DIAPH2: variants seen among roughly 807,000 people sequenced by gnomAD.
The protein encoded by DIAPH2 is protein diaphanous homolog 2.
A neutral mutation model predicts 92.7 loss-of-function variants in DIAPH2; 35 were observed. The ratio of observed to expected loss-of-function variants is 0.38; its 90% CI spans 0.29 to 0.50. DIAPH2 has a LOEUF of 0.50. Ranked by LOEUF, DIAPH2 falls within the 20% of genes least tolerant of loss-of-function variation. The pLI, the probability that DIAPH2 is intolerant of heterozygous loss-of-function variation, is 0.94. For synonymous variants in DIAPH2, 301 were observed against 280.4 expected (o/e 1.07, Z -0.73); for missense variants, 701 against 819.5 (o/e 0.86, Z 1.77).
intron 17 of DIAPH2, among the ~76,000 whole-genome samples, chrX:97,054,272 A>G (rs760087069): frequency 5.3e-5 from 6 of 112,299 alleles, no homozygotes; most frequent in African/African-American, 1.9e-4. Context: ...GTTTGGCAAT[A>G]TAGTTCTTTC....
chrX:97,535,873 G>A (rs953521255), intron 26 of DIAPH2, among the ~76,000 whole-genome samples: 2 of 112,416 alleles, frequency 1.8e-5, no homozygotes, highest in African/African-American at 6.5e-5. Flanking sequence ...AGTACTATAT[G>A]TTATAGAGAA....
chrX:97,146,529 T>G (rs1177949312), intron 22 of DIAPH2, among the ~76,000 whole-genome samples: 3 of 111,342 alleles, frequency 2.7e-5, no homozygotes, highest in Non-Finnish European at 5.7e-5. Flanking sequence ...AATACCAAAT[T>G]TATTTTAGTT....
intron 19 of DIAPH2, among the ~76,000 whole-genome samples, chrX:97,095,751 T>C (rs1397273580): frequency 8.9e-6 from 1 of 111,809 alleles, no homozygotes; most frequent in Non-Finnish European, 1.9e-5. Flanking sequence ...TATTACAGAA[T>C]AATTGCAGAA....
rs559701542 is a variant in DIAPH2, at chrX:97,088,565, C to T, written c.2248-11129C>T. 9.9e-5 allele frequency among the ~76,000 whole-genome samples: 11 copies of T among 111,463 alleles called. No individual in the cohort carries two copies. The South Asian group carries it at 4.2e-3, about 42-fold the overall frequency. ...ATATTTTCAATTAGATATTTTGAGC[C>T]TGTTAGGCTAGTCCCCTCTACAAGG... is the stretch of plus-strand genomic sequence containing the variant. On this transcript the variant is annotated intron_variant, in intron 19 of 26. Coordinates refer to ENST00000324765, the MANE Select transcript of DIAPH2 (RefSeq NM_006729.5).
intron 4 of DIAPH2, among the ~76,000 whole-genome samples, chrX:96,818,557 A>C (rs2147672688): frequency 9.0e-6 from 1 of 111,691 alleles, no homozygotes; most frequent in East Asian, 2.8e-4. Context: ...ATTTAATTAA[A>C]ATTGATTAAA....
chrX:96,954,623 T>C (rs1022114027), intron 15 of DIAPH2, among the ~76,000 whole-genome samples: 3 of 112,421 alleles, frequency 2.7e-5, no homozygotes, highest in Admixed American at 9.4e-5. Context: ...ATTGAAATTC[T>C]AATCATGTTC....
At chrX:97,407,157 TG>T (rs1353688108) in intron 25 of DIAPH2, among the ~76,000 whole-genome samples, 1 of 111,689 alleles carries the variant, frequency 9.0e-6, no homozygotes, top group Non-Finnish European at 1.9e-5. Flanking sequence ...AGTAGAAACT[TG>T]GCTTCTGTAA....
At chrX:97,398,112 A>G (rs1034387928) in intron 25 of DIAPH2, among the ~76,000 whole-genome samples, 8 of 111,672 alleles carry the variant, frequency 7.2e-5, no homozygotes, top group African/African-American at 2.6e-4. Flanking sequence ...ATATGAAACT[A>G]CCTCCCCTGT....
intron 17 of DIAPH2, among the ~76,000 whole-genome samples, chrX:96,988,974 G>A (rs887245740): frequency 1.8e-5 from 2 of 110,345 alleles, no homozygotes; most frequent in African/African-American, 6.6e-5. Context: ...TTGTGTGTCC[G>A]AGGGGGACTG....
intron 22 of DIAPH2, among the ~76,000 whole-genome samples, chrX:97,163,318 T>C (rs1379913379): frequency 9.0e-6 from 1 of 110,721 alleles, no homozygotes; most frequent in Non-Finnish European, 1.9e-5. Flanking sequence ...TACCTCGCCA[T>C]AGTGGGGGCT....
chrX:96,800,550 G>A (rs764803737), intron 4 of DIAPH2, among the ~76,000 whole-genome samples: 9 of 111,947 alleles, frequency 8.0e-5, no homozygotes, highest in Non-Finnish European at 1.5e-4. Context: ...TGACACAAGG[G>A]AGAGGATAGC....
chrX:97,556,682 C>G (rs953792091), intron 26 of DIAPH2, among the ~76,000 whole-genome samples: 1 of 111,674 alleles, frequency 9.0e-6, no homozygotes, highest in African/African-American at 3.3e-5. Flanking sequence ...AAACTTATTT[C>G]CAAATATGGC....
In DIAPH2 at chrX:97,079,131, C is replaced by T. The variant is rs1424123662; in HGVS notation, c.2247+3870C>T. 7.2e-5 allele frequency among the ~76,000 whole-genome samples: 8 copies of T among 110,806 alleles called. No individual in the cohort carries two copies. In the East Asian group the frequency reaches 8.5e-4, roughly 12 times the overall value. ...TGAAATTTTAATGTCACACACTCTC[C>T]GGTTTGCCACAGGTGCCACCACTCC... On this transcript the variant is annotated intron_variant, in intron 19 of 26. Coordinates refer to ENST00000324765, the MANE Select transcript of DIAPH2 (RefSeq NM_006729.5).
intron 4 of DIAPH2, among the ~76,000 whole-genome samples, chrX:96,759,225 G>C (rs1382409885): frequency 1.8e-5 from 2 of 111,038 alleles, no homozygotes; most frequent in African/African-American, 6.5e-5. Context: ...AAGTTATTTG[G>C]CTATCCTATT....
intron 26 of DIAPH2, among the ~76,000 whole-genome samples, chrX:97,538,980 C>T (rs1331940521): frequency 2.7e-5 from 3 of 111,712 alleles, no homozygotes; most frequent in African/African-American, 3.2e-5. Context: ...TTTTGTTTTT[C>T]GTTTTGTTTT....
At chrX:97,556,152 T>C (rs1168555777) in intron 26 of DIAPH2, among the ~76,000 whole-genome samples, 1 of 111,567 alleles carries the variant, frequency 9.0e-6, no homozygotes, top group Non-Finnish European at 1.9e-5. Context: ...GACTGTCCCC[T>C]TCCCTGCAGC....
chrX:97,445,320 G>T (rs1478665851), intron 26 of DIAPH2, among the ~76,000 whole-genome samples: 1 of 111,362 alleles, frequency 9.0e-6, no homozygotes, highest in Non-Finnish European at 1.9e-5. Flanking sequence ...GTACTTTATG[G>T]TCCTGAGGCT....
intron 20 of DIAPH2, among the ~76,000 whole-genome samples, chrX:97,102,381 A>C (rs2066911875): frequency 8.9e-6 from 1 of 111,761 alleles, no homozygotes; most frequent in African/African-American, 3.3e-5. Flanking sequence ...AAAAGAAAGC[A>C]GTTTGACTTC....
At chrX:97,078,194 G>T (rs1362964284) in intron 19 of DIAPH2, among the ~76,000 whole-genome samples, 1 of 111,669 alleles carries the variant, frequency 9.0e-6, no homozygotes, top group East Asian at 2.8e-4. Flanking sequence ...GATCCTTAGT[G>T]CATGCAAATG....
Sources: allele counts gnomAD v4.1 joint callset (sites outside exome capture counted in the v4.1 genomes callset), GRCh38; gene constraint gnomAD v4.1.1; transcripts MANE v1.5; gene names NCBI Gene and HGNC (gene_info 2026-07-23, HGNC 2026-07-21).